Variants in EIPR1 observed in about 807,000 individuals in gnomAD.
EIPR1 encodes the protein EARP complex and GARP complex interacting protein 1.
A neutral mutation model predicts 48.1 loss-of-function variants in EIPR1; 25 were observed. The observed-to-expected ratio is 0.52, with a 90% CI of 0.38 to 0.73. The LOEUF is 0.73. EIPR1 is among the 30% of genes least tolerant of loss of function. EIPR1 has a pLI of 0.00. For missense variants in EIPR1, 415 were observed against 506.2 expected (o/e 0.82, Z 1.73); for synonymous variants, 204 against 201.9 (o/e 1.01, Z -0.09).
chr2:3,199,838 G>C (rs1664959675), intron 5 of EIPR1, among the ~76,000 whole-genome samples: 1 of 151,660 alleles, frequency 6.6e-6, no homozygotes, highest in Non-Finnish European at 1.5e-5. Flanking sequence ...GAGGTGACGG[G>C]GTGTGTCTGC....
chr2:3,283,529 C>T (rs891784336), intron 3 of EIPR1, among the ~76,000 whole-genome samples: 1 of 133,524 alleles, frequency 7.5e-6, no homozygotes, highest in Non-Finnish European at 1.7e-5. Context: ...AGTGATGCAC[C>T]ACGTTCACAC....
intron 3 of EIPR1, among the ~76,000 whole-genome samples, chr2:3,322,132 G>A (rs1467246733): frequency 2.6e-5 from 4 of 152,174 alleles, no homozygotes; most frequent in Non-Finnish European, 4.4e-5. Context: ...TCTTCCCAGC[G>A]AGGTCAGCAC....
At chr2:3,283,057 C>A (rs537274440) in intron 3 of EIPR1, among the ~76,000 whole-genome samples, 1 of 152,128 alleles carries the variant, frequency 6.6e-6, no homozygotes, top group Non-Finnish European at 1.5e-5. Flanking sequence ...ATTTTCAGTG[C>A]CCCCCAACCC....
In EIPR1 at chr2:3,337,404, G is replaced by C. The variant is rs188109739; in HGVS notation, c.259+613C>G. Among the ~76,000 whole-genome samples, 584 of 152,300 alleles carry C rather than the reference G, an allele frequency of 3.8e-3. 1 individual carries two copies. The highest frequency in any genetic ancestry group is 6.8e-3 in the Middle Eastern group (2 of 294). ...AGAATTTGTTCTGGCTTACATGGTA[G>C]AGAAAGAGATCCTAGGAGATATTTC... On this transcript the variant is annotated intron_variant, in intron 3 of 8. Coordinates refer to ENST00000382125, the MANE Select transcript of EIPR1 (RefSeq NM_003310.5).
intron 3 of EIPR1, among the ~76,000 whole-genome samples, chr2:3,289,615 G>A (rs1317530718): frequency 6.6e-6 from 1 of 152,164 alleles, no homozygotes; most frequent in Non-Finnish European, 1.5e-5. Flanking sequence ...TGTGCACCAT[G>A]TCTAAAATGA....
At chr2:3,209,501 G>T (rs1320336442) in intron 5 of EIPR1, among the ~76,000 whole-genome samples, 3 of 152,190 alleles carry the variant, frequency 2.0e-5, no homozygotes, top group Non-Finnish European at 4.4e-5. Flanking sequence ...TAACCAAAGT[G>T]GACCCTGACG....
chr2:3,295,093 C>CCCTG (rs1668510325), intron 3 of EIPR1, among the ~76,000 whole-genome samples: 1 of 141,154 alleles, frequency 7.1e-6, no homozygotes, highest in Admixed American at 7.1e-5. Flanking sequence ...CATCCTCTTT[C>CCCTG]CACACATACA....
intron 3 of EIPR1, among the ~76,000 whole-genome samples, chr2:3,259,821 G>A (rs1385883117): frequency 1.3e-5 from 2 of 152,204 alleles, no homozygotes; most frequent in South Asian, 2.1e-4. Flanking sequence ...ACTCAAGAGT[G>A]GAGAAAGGAT....
chr2:3,265,491 G>A (rs1667459184), intron 3 of EIPR1, among the ~76,000 whole-genome samples: 1 of 152,204 alleles, frequency 6.6e-6, no homozygotes, highest in Non-Finnish European at 1.5e-5. Context: ...CTTTTAAGAA[G>A]GAAAACCTAA....
chr2:3,246,660 C>T lies in EIPR1; in HGVS notation c.416+10639G>A, dbSNP rs376622521. Among the ~76,000 whole-genome samples the T allele has an allele frequency of 5.9e-5, 9 of 152,082 alleles. No individual in the cohort carries two copies. The South Asian group carries it at 8.3e-4, about 14-fold the overall frequency. ...TTGGACATGTCAGAGAAACACACAG[C>T]GTGTGGAGTGCAGCCTTGCTCAGCT... On this transcript the variant is annotated intron_variant, in intron 4 of 8. Coordinates refer to ENST00000382125, the MANE Select transcript of EIPR1 (RefSeq NM_003310.5).
At chr2:3,285,993 C>A (rs749358383) in intron 3 of EIPR1, among the ~76,000 whole-genome samples, 1 of 152,198 alleles carries the variant, frequency 6.6e-6, no homozygotes, top group Admixed American at 6.5e-5. Context: ...GGAAGCAGTG[C>A]CCTGCCCTGA....
At chr2:3,325,192 C>G (rs1244388822) in intron 3 of EIPR1, among the ~76,000 whole-genome samples, 1 of 152,208 alleles carries the variant, frequency 6.6e-6, no homozygotes, top group African/African-American at 2.4e-5. Context: ...GGCCGGCGGT[C>G]AGGACCACCC....
chr2:3,277,789 C>T (rs1009143649), intron 3 of EIPR1, among the ~76,000 whole-genome samples: 1 of 152,244 alleles, frequency 6.6e-6, no homozygotes, highest in African/African-American at 2.4e-5. Context: ...CTGACTGCTG[C>T]GAACATTGCT....
At chr2:3,370,856 A>G (rs12464961) in intron 1 of EIPR1, among the ~76,000 whole-genome samples, 23,957 of 151,196 alleles carry the variant, frequency 0.16, 2,136 homozygotes, top group Non-Finnish European at 0.2. Flanking sequence ...TAGCAAGGCA[A>G]GCCAACATTC....
At chr2:3,282,991 GGGT>G (rs1668060896) in intron 3 of EIPR1, among the ~76,000 whole-genome samples, 1 of 152,172 alleles carries the variant, frequency 6.6e-6, no homozygotes, top group African/African-American at 2.4e-5. Context: ...GAATACCTAG[GGGT>G]GATCTGTCCT....
chr2:3,259,424 G>A (rs1667259637), intron 3 of EIPR1, among the ~76,000 whole-genome samples: 1 of 152,164 alleles, frequency 6.6e-6, no homozygotes, highest in Admixed American at 6.5e-5. Context: ...AAGTGGTACA[G>A]GTGAAGTAAG....
At chr2:3,369,360 C>CTA (rs1286298613) in intron 1 of EIPR1, among the ~76,000 whole-genome samples, 1 of 152,174 alleles carries the variant, frequency 6.6e-6, no homozygotes, top group African/African-American at 2.4e-5. Context: ...GTTCATCTCA[C>CTA]TAGGGAGTGC....
chr2:3,272,970 T>G (rs1287889752), intron 3 of EIPR1, among the ~76,000 whole-genome samples: 1 of 152,156 alleles, frequency 6.6e-6, no homozygotes, highest in Non-Finnish European at 1.5e-5. Flanking sequence ...CCCACTGACA[T>G]GAGTAATTCA....
rs903456292 is a variant in EIPR1 at position 3,244,307 on chromosome 2, A to G, written c.416+12992T>C. Among the ~76,000 whole-genome samples the G allele has an allele frequency of 5.3e-5, 8 of 152,158 alleles. No individual in the cohort carries two copies. In the South Asian group the frequency reaches 8.3e-4, roughly 16 times the overall value. ...TCTCCTCCCCTGACCCCTGTTTATT[A>G]AACATAGAAGAAAAGTCAACTCTAG... On this transcript the variant is annotated intron_variant, in intron 4 of 8. Transcript: ENST00000382125.
Sources: gnomAD v4.1 joint callset for allele counts (sites outside exome capture counted in the v4.1 genomes callset) on GRCh38, gnomAD v4.1.1 for gene constraint, MANE v1.5 for transcripts, NCBI Gene and HGNC (gene_info 2026-07-23, HGNC 2026-07-21) for gene names.